The following KLHL1 variants were observed in gnomAD, a reference collection of about 807,000 sequenced individuals.
KLHL1 encodes kelch-like protein 1.
Under a neutral mutation model 77.7 loss-of-function variants are expected in KLHL1, and 47 were observed. That is an observed-to-expected ratio of 0.60 (90% CI 0.48 to 0.77). The LOEUF is 0.77. KLHL1 is among the 30% of genes least tolerant of loss of function. The pLI, the probability that KLHL1 is intolerant of heterozygous loss-of-function variation, is 0.00. For missense variants in KLHL1, 925 were observed against 910.8 expected, an observed-to-expected ratio of 1.02 and a Z score of -0.20; for synonymous variants, 360 against 325.2, an observed-to-expected ratio of 1.11 and a Z score of -1.15.
At chr13:69,729,465 C>T (rs998201094) in intron 8 of KLHL1, among the ~76,000 whole-genome samples, 7 of 151,914 alleles carry the variant, frequency 4.6e-5, no homozygotes, top group African/African-American at 1.7e-4. Context: ...TTTAGGGAAA[C>T]AACAGCCAGG....
intron 5 of KLHL1, among the ~76,000 whole-genome samples, chr13:69,879,684 T>A (rs999372032): frequency 6.6e-6 from 1 of 152,022 alleles, no homozygotes; most frequent in African/African-American, 2.4e-5. Context: ...TCAATTAAAC[T>A]TTTTTTTCAT....
chr13:69,909,434 T>C (rs142448807), intron 4 of KLHL1, among the ~76,000 whole-genome samples: 1,846 of 152,064 alleles, frequency 0.012, 36 homozygotes, highest in African/African-American at 0.037. Flanking sequence ...ACTGCAAATA[T>C]TTGAAGCAAA....
intron 3 of KLHL1, among the ~76,000 whole-genome samples, chr13:69,941,218 C>G (rs1367920765): frequency 6.6e-6 from 1 of 151,892 alleles, no homozygotes; most frequent in Non-Finnish European, 1.5e-5. Flanking sequence ...AAGTCTCAAT[C>G]AATTTAAGAA....
chr13:69,948,916 C>T (rs1048292006), intron 3 of KLHL1, among the ~76,000 whole-genome samples: 2 of 151,916 alleles, frequency 1.3e-5, no homozygotes, highest in African/African-American at 2.4e-5. Context: ...TATCATCATT[C>T]TGTTAAATTG....
chr13:70,026,905 G>T (rs756978869), intron 1 of KLHL1, among the ~76,000 whole-genome samples: 2 of 151,886 alleles, frequency 1.3e-5, no homozygotes, highest in Non-Finnish European at 2.9e-5. Flanking sequence ...TATGCAGTTG[G>T]GCTATTTTTC....
chr13:69,880,299 T>C (rs951132372), intron 5 of KLHL1, among the ~76,000 whole-genome samples: 3 of 152,162 alleles, frequency 2.0e-5, no homozygotes, highest in Non-Finnish European at 4.4e-5. Flanking sequence ...TTAACGTTAG[T>C]TGTAGAAGTG....
At chr13:69,743,157 C>A (rs1029702653) in intron 7 of KLHL1, among the ~76,000 whole-genome samples, 6 of 151,996 alleles carry the variant, frequency 3.9e-5, no homozygotes, top group African/African-American at 1.2e-4. Flanking sequence ...TCTGAAAGGA[C>A]CAGATCACTA....
intron 4 of KLHL1, among the ~76,000 whole-genome samples, chr13:69,934,622 T>G (rs925921199): frequency 1.3e-5 from 2 of 152,004 alleles, no homozygotes; most frequent in Admixed American, 6.6e-5. Context: ...ATATTCCAGA[T>G]AAATCCCCAG....
At chr13:70,008,550 G>A (rs1292743905) in intron 1 of KLHL1, among the ~76,000 whole-genome samples, 1 of 151,874 alleles carries the variant, frequency 6.6e-6, no homozygotes, top group African/African-American at 2.4e-5. Context: ...AAAGCTATTA[G>A]GACAGTAATA....
chr13:69,922,204 G>C (rs185171396), intron 4 of KLHL1, among the ~76,000 whole-genome samples: 2 of 151,982 alleles, frequency 1.3e-5, no homozygotes, highest in Non-Finnish European at 2.9e-5. Flanking sequence ...GCCTTGGCCT[G>C]CCAATGTGCT....
intron 1 of KLHL1, among the ~76,000 whole-genome samples, chr13:70,074,871 A>T (rs560140744): frequency 1.3e-5 from 2 of 152,098 alleles, no homozygotes; most frequent in African/African-American, 4.8e-5. Context: ...TAGATAAAAA[A>T]TTTTAAATTC....
intron 3 of KLHL1, among the ~76,000 whole-genome samples, chr13:69,955,674 A>G (rs1327202445): frequency 2.0e-5 from 3 of 150,948 alleles, no homozygotes; most frequent in African/African-American, 7.3e-5. Flanking sequence ...CTATCAGTCT[A>G]AGAGCAACTT....
intron 5 of KLHL1, among the ~76,000 whole-genome samples, chr13:69,851,808 T>C (rs1879701398): frequency 6.6e-6 from 1 of 151,802 alleles, no homozygotes; most frequent in African/African-American, 2.4e-5. Flanking sequence ...CTCATCTATC[T>C]GCAACTCATG....
chr13:69,878,581 G>T (rs1369306863), intron 5 of KLHL1, among the ~76,000 whole-genome samples: 1 of 151,658 alleles, frequency 6.6e-6, no homozygotes, highest in Non-Finnish European at 1.5e-5. Context: ...ATTGTGTTTT[G>T]CTATATATTA....
chr13:69,908,629 T>A (rs1882123332), intron 4 of KLHL1, among the ~76,000 whole-genome samples: 1 of 151,580 alleles, frequency 6.6e-6, no homozygotes, highest in African/African-American at 2.4e-5. Context: ...TTATTGCATA[T>A]GTTTTCAAAT....
In KLHL1 at chr13:69,839,062, C is replaced by T. The variant is rs1410246365; in HGVS notation, c.1328G>A (p.Arg443Lys). ...AGTTCTCGGACTTTGCATTAAAGTT[C>T]TTCTTTCTGGCAATAGATGGTATTT... ...AMKYHLLPER[R>K]TLMQSPRTKP... Residue 443 changes from arginine (R) to lysine (K), a missense_variant, in exon 6 of 11, where the codon AGA (arginine) becomes AAA (lysine). By Grantham distance (26) the Arg-to-Lys change is conservative. Transcript: ENST00000377844. 1.2e-6 allele frequency: 2 copies of T among 1,610,966 alleles called. No homozygotes were observed. The highest frequency in any genetic ancestry group is 2.7e-5 in the African/African-American group (2 of 74,768).
chr13:69,709,454 A>T (rs565149800), intron 9 of KLHL1, among the ~76,000 whole-genome samples: 8 of 152,064 alleles, frequency 5.3e-5, no homozygotes, highest in Non-Finnish European at 1.0e-4. Flanking sequence ...AATTAGGAAG[A>T]AGTAACTAAG....
chr13:69,982,296 C>T (rs1884733444), intron 1 of KLHL1, among the ~76,000 whole-genome samples: 1 of 151,408 alleles, frequency 6.6e-6, no homozygotes, highest in Non-Finnish European at 1.5e-5. Flanking sequence ...ATTAGCCAGG[C>T]ATGGTGGTGT....
chr13:69,837,656 ATGTGTG>A (rs1555272487), intron 6 of KLHL1, among the ~76,000 whole-genome samples: 1 of 137,142 alleles, frequency 7.3e-6, no homozygotes, highest in African/African-American at 2.9e-5. Flanking sequence ...GTATATATAT[ATGTGTG>A]TGTGTGTGTA....
Sources: allele counts gnomAD v4.1 joint callset (sites outside exome capture counted in the v4.1 genomes callset), GRCh38; gene constraint gnomAD v4.1.1; transcripts MANE v1.5; gene names NCBI Gene and HGNC (gene_info 2026-07-23, HGNC 2026-07-21).